The following FRAS1 variants were observed in gnomAD, a reference collection of about 807,000 sequenced individuals.
The protein encoded by FRAS1 is Fraser extracellular matrix complex subunit 1, also known as extracellular matrix organizing protein FRAS1.
In FRAS1, 290 loss-of-function variants were observed where a neutral mutation model predicts 435.2. That is an observed-to-expected ratio of 0.67 (90% CI 0.61 to 0.73). The LOEUF (loss-of-function observed/expected upper bound fraction) is 0.73, where lower values mean the gene tolerates loss of function less well. FRAS1 is among the 30% of genes least tolerant of loss of function. FRAS1 has a pLI of 0.00. For missense variants in FRAS1, 4,860 were observed against 5,001.5 expected, an observed-to-expected ratio of 0.97 and a Z score of 0.85; for synonymous variants, 1,800 against 1,851.0, an observed-to-expected ratio of 0.97 and a Z score of 0.71.
chr4:78,084,875 G>GA (rs1295966282), intron 2 of FRAS1, among the ~76,000 whole-genome samples: 3 of 152,022 alleles, frequency 2.0e-5, no homozygotes, highest in Non-Finnish European at 4.4e-5. Flanking sequence ...CTTTTAAAGA[G>GA]AAAATGAAGC....
chr4:78,083,910 T>C (rs1372797136), intron 2 of FRAS1, among the ~76,000 whole-genome samples: 1 of 152,076 alleles, frequency 6.6e-6, no homozygotes, highest in Non-Finnish European at 1.5e-5. Context: ...CTATAATCCA[T>C]CTAAAATATA....
chr4:78,291,910 G>C (rs73827941), intron 14 of FRAS1, among the ~76,000 whole-genome samples: 1 of 152,146 alleles, frequency 6.6e-6, no homozygotes, highest in South Asian at 2.1e-4. Flanking sequence ...ATTTTGAATG[G>C]CACCTCTACC....
intron 41 of FRAS1, among the ~76,000 whole-genome samples, chr4:78,443,139 A>G (rs1039369119): frequency 3.9e-5 from 6 of 152,192 alleles, no homozygotes; most frequent in African/African-American, 1.2e-4. Context: ...GCTTGAGTCC[A>G]TGTATTTGAG....
intron 2 of FRAS1, among the ~76,000 whole-genome samples, chr4:78,113,449 G>T (rs545313279): frequency 6.6e-6 from 1 of 152,264 alleles, no homozygotes; most frequent in East Asian, 1.9e-4. Context: ...CACCAACAGT[G>T]TAAAAGTGTT....
At chr4:78,409,141 A>T (rs1733224736) in intron 31 of FRAS1, among the ~76,000 whole-genome samples, 8 of 150,242 alleles carry the variant, frequency 5.3e-5, no homozygotes, top group Admixed American at 4.6e-4. Flanking sequence ...AAAAAGACAA[A>T]AAGAAAACAA....
At chr4:78,167,353 T>C (rs980466202) in intron 2 of FRAS1, among the ~76,000 whole-genome samples, 1 of 152,078 alleles carries the variant, frequency 6.6e-6, no homozygotes, top group Admixed American at 6.6e-5. Flanking sequence ...CCATAGAGTA[T>C]AGCAAACCAT....
At chr4:78,250,528 A>T (rs1725483600) in intron 4 of FRAS1, among the ~76,000 whole-genome samples, 1 of 152,206 alleles carries the variant, frequency 6.6e-6, no homozygotes, top group Non-Finnish European at 1.5e-5. Context: ...TTTTCTTCAG[A>T]TAACATATAA....
Position 78,384,142 on chromosome 4 carries a change from A to G in FRAS1, c.3647A>G (p.Gln1216Arg). 1 of 1,582,274 alleles carries G rather than the reference A, an allele frequency of 6.3e-7. No homozygotes were observed. Among genetic ancestry groups the G allele is most frequent in the Non-Finnish European group, 8.6e-7 (1 of 1,165,830 alleles). ...ATCAACATACAAGCATTTTCAACAC[A>G]GGTAATAAAAATGGCCACGTAATTA... is the stretch of plus-strand genomic sequence containing the variant. ...QLINIQAFSTQAPYVLRNEVL... is the reference protein window; with the variant it reads ...QLINIQAFSTRAPYVLRNEVL... Residue 1216 changes from glutamine (Q) to arginine (R), a missense_variant and splice_region_variant, in exon 28 of 74, where the codon CAG (glutamine) becomes CGG (arginine). Gln to Arg is a conservative substitution (Grantham distance 43). Coordinates refer to ENST00000512123, the MANE Select transcript of FRAS1 (RefSeq NM_025074.7).
chr4:78,445,989 A>G, intron 42 of FRAS1: 1 of 1,263,000 alleles, frequency 7.9e-7, no homozygotes, highest in Non-Finnish European at 9.9e-7. Flanking sequence ...TGCCAGTCTC[A>G]TATATAAATG....
At chr4:78,265,967 A>G (rs569660354) in intron 7 of FRAS1, among the ~76,000 whole-genome samples, 1 of 152,212 alleles carries the variant, frequency 6.6e-6, no homozygotes, top group Non-Finnish European at 1.5e-5. Flanking sequence ...TGCCTGACAC[A>G]GTGGCCACAT....
chr4:78,151,173 G>A (rs1330016223), intron 2 of FRAS1, among the ~76,000 whole-genome samples: 1 of 152,080 alleles, frequency 6.6e-6, no homozygotes, highest in African/African-American at 2.4e-5. Flanking sequence ...GAATTATACT[G>A]TATTTATTTG....
intron 6 of FRAS1, among the ~76,000 whole-genome samples, chr4:78,262,183 C>T (rs572699991): frequency 6.6e-6 from 1 of 152,180 alleles, no homozygotes; most frequent in African/African-American, 2.4e-5. Flanking sequence ...ACAAAAAACT[C>T]AGATCCTCAG....
chr4:78,475,727 T>C (rs374935935), intron 54 of FRAS1, 121 bp downstream of exon 54: 3 of 882,344 alleles, frequency 3.4e-6, no homozygotes, highest in East Asian at 2.6e-5. Context: ...TCTTCAAGTA[T>C]TAAATAGTTT....
intron 2 of FRAS1, among the ~76,000 whole-genome samples, chr4:78,212,906 G>A (rs1479713048): frequency 2.0e-5 from 3 of 152,218 alleles, no homozygotes; most frequent in Non-Finnish European, 4.4e-5. Context: ...GAGAGAAGGT[G>A]CATTGTGACA....
Position 78,066,006 on chromosome 4 carries a change from C to A in FRAS1, c.98C>A (p.Ser33Tyr). The change falls in exon 2 of 74, where the codon TCC becomes TAC. Residue 33 changes from serine to tyrosine, a missense_variant. Physicochemically the swap from Ser to Tyr is moderately radical, Grantham distance 144. Transcript: ENST00000512123. Reference sequence around the variant, plus strand: ...ACAGGTGCTTGTGTCTATCAGGATTCCTTGTTGGCGGTAGGTCATTCTTTA... The same window carrying A: ...ACAGGTGCTTGTGTCTATCAGGATTACTTGTTGGCGGTAGGTCATTCTTTA... ...HSEGACVYQDSLLADATIWKP... is the reference protein window; with the variant it reads ...HSEGACVYQDYLLADATIWKP... 1 of 1,605,912 alleles carries A rather than the reference C, an allele frequency of 6.2e-7. No individual in the cohort carries two copies. The highest frequency in any genetic ancestry group is 8.5e-7 in the Non-Finnish European group (1 of 1,173,532).
chr4:78,365,976 A>G (rs1202851644), intron 22 of FRAS1, among the ~76,000 whole-genome samples: 1 of 151,726 alleles, frequency 6.6e-6, no homozygotes, highest in Admixed American at 6.6e-5. Flanking sequence ...GAAAAAAAAA[A>G]AAAGATTCAA....
intron 12 of FRAS1, 27 bp downstream of exon 12, chr4:78,282,994 C>G: frequency 2.1e-6 from 3 of 1,412,428 alleles, no homozygotes; most frequent in Non-Finnish European, 2.8e-6. Context: ...TCTGTTTCTA[C>G]TGAGATAGTT....
chr4:78,499,906 T>C lies in FRAS1; in HGVS notation c.9301T>C (p.Leu3101=). ...GGATTATTACCCAAAGAGCCGAGTC[T>C]TGAAGTTCAGTCCCGGTAATTGAAT... The part of the protein sequence containing the change: ...GVDYYPKSRV[L]KFSPGVDHIF... The change falls in exon 61 of 74, where the codon TTG becomes CTG. Residue 3101 remains leucine (L), a synonymous_variant. Coordinates refer to ENST00000512123, the MANE Select transcript of FRAS1 (RefSeq NM_025074.7). The C allele has an allele frequency of 6.4e-7, 1 of 1,572,446 alleles. No homozygotes were observed. The highest frequency in any genetic ancestry group is 8.7e-7 in the Non-Finnish European group (1 of 1,151,900).
At chr4:78,060,172 A>G (rs994841345) in intron 1 of FRAS1, among the ~76,000 whole-genome samples, 1 of 152,158 alleles carries the variant, frequency 6.6e-6, no homozygotes, top group African/African-American at 2.4e-5. Flanking sequence ...AGTTTAATTA[A>G]GTGATATCAC....
Sources: gnomAD v4.1 joint callset for allele counts (sites outside exome capture counted in the v4.1 genomes callset) on GRCh38, gnomAD v4.1.1 for gene constraint, MANE v1.5 for transcripts, NCBI Gene and HGNC (gene_info 2026-07-23, HGNC 2026-07-21) for gene names.